RBFOX1: variants seen among roughly 807,000 people sequenced by gnomAD.
RBFOX1 encodes RNA binding fox-1 homolog 1.
A neutral mutation model predicts 57.7 loss-of-function variants in RBFOX1; 8 were observed. The observed-to-expected ratio is 0.14, with a 90% CI of 0.08 to 0.25. RBFOX1 has a LOEUF of 0.25. Ranked by LOEUF, RBFOX1 falls within the 10% of genes least tolerant of loss-of-function variation. The pLI, the probability that RBFOX1 is intolerant of heterozygous loss-of-function variation, is 1.00. For missense variants in RBFOX1, 611 were observed against 548.5 expected (o/e 1.11, Z -1.14); for synonymous variants, 326 against 222.4 (o/e 1.47, Z -4.15).
intron 3 of RBFOX1, among the ~76,000 whole-genome samples, chr16:6,864,169 AT>A (rs1264172628): frequency 1.1e-4 from 16 of 152,090 alleles, no homozygotes; most frequent in Non-Finnish European, 2.1e-4. Context: ...AATTATTTTA[AT>A]AATTCTTGTC....
chr16:6,570,352 CT>C (rs1419646453), intron 2 of RBFOX1, among the ~76,000 whole-genome samples: 2 of 152,126 alleles, frequency 1.3e-5, no homozygotes, highest in Non-Finnish European at 2.9e-5. Flanking sequence ...TTCCAGGCCC[CT>C]CCTGGAACAG....
intron 1 of RBFOX1, among the ~76,000 whole-genome samples, chr16:6,277,465 A>AAAAAAAC (rs1323655524): frequency 3.3e-5 from 5 of 150,906 alleles, no homozygotes; most frequent in African/African-American, 7.3e-5. Context: ...TCCCAAAAAA[A>AAAAAAAC]AAAAAAAAAA....
chr16:5,984,496 T>C (rs2060242554), intron 4 of RBFOX1, among the ~76,000 whole-genome samples: 1 of 152,014 alleles, frequency 6.6e-6, no homozygotes, highest in Admixed American at 6.6e-5. Context: ...CTGAGCATTG[T>C]CTGTGTGGCA....
At chr16:6,503,510 C>G (rs1022464501) in intron 2 of RBFOX1, among the ~76,000 whole-genome samples, 5 of 152,240 alleles carry the variant, frequency 3.3e-5, no homozygotes, top group African/African-American at 1.2e-4. Context: ...TGGGTTTACT[C>G]ACACCACTGA....
intron 1 of RBFOX1, among the ~76,000 whole-genome samples, chr16:5,355,650 C>T (rs980971954): frequency 2.6e-5 from 4 of 152,108 alleles, no homozygotes; most frequent in African/African-American, 7.2e-5. Context: ...GGAGCGTCTC[C>T]TCCAAAATAG....
intron 1 of RBFOX1, among the ~76,000 whole-genome samples, chr16:6,155,626 C>G (rs751514465): frequency 6.6e-6 from 1 of 152,122 alleles, no homozygotes; most frequent in Admixed American, 6.5e-5. Flanking sequence ...TTTAAGGTCT[C>G]AAAGCAAACC....
chr16:7,497,740 A>G (rs1201669857), intron 4 of RBFOX1, among the ~76,000 whole-genome samples: 2 of 152,208 alleles, frequency 1.3e-5, no homozygotes, highest in African/African-American at 4.8e-5. Context: ...AAAAAGAACT[A>G]GTTTCTTTCT....
chr16:6,701,606 G>T (rs183429250), intron 3 of RBFOX1, among the ~76,000 whole-genome samples: 14 of 152,024 alleles, frequency 9.2e-5, no homozygotes, highest in Admixed American at 3.3e-4. Flanking sequence ...GAGAGGAGGA[G>T]GTGCCAGGCT....
Position 5,454,418 on chromosome 16 carries a change from G to C in RBFOX1, c.220-12798G>C, listed in dbSNP as rs148782976. ...TGTTTATCAACTTGGTTGGACCACA[G>C]TGCCTAGATATGTGGTTACATGTTA... On this transcript the variant is annotated intron_variant, in intron 1 of 2. Coordinates refer to the RBFOX1 transcript ENST00000585867. Among the ~76,000 whole-genome samples the C allele has an allele frequency of 2.0e-5, 3 of 152,370 alleles. No individual in the cohort carries two copies. The East Asian group carries it at 5.8e-4, about 29-fold the overall frequency.
intron 2 of RBFOX1, among the ~76,000 whole-genome samples, chr16:5,548,071 G>C (rs2045291201): frequency 6.6e-6 from 1 of 150,774 alleles, no homozygotes; most frequent in Admixed American, 6.6e-5. Context: ...TGAGACAGGA[G>C]AATCCCTTGA....
chr16:6,218,433 C>A (rs568879097), intron 1 of RBFOX1, among the ~76,000 whole-genome samples: 36 of 152,130 alleles, frequency 2.4e-4, no homozygotes, highest in African/African-American at 8.4e-4. Flanking sequence ...CTTAGCCTGC[C>A]GAGTAGCTGG....
Position 7,579,752 on chromosome 16 carries a change from C to T in RBFOX1, c.271-25C>T, listed in dbSNP as rs369623319. 7 of 1,613,834 alleles carry T rather than the reference C, an allele frequency of 4.3e-6. No individual in the cohort carries two copies. In the African/African-American group the frequency reaches 8.0e-5, roughly 18 times the overall value. On this transcript the variant is annotated intron_variant, in intron 5 of 15. Transcript: ENST00000550418. Reference sequence around the variant, plus strand: ...GAGCACTGTGGTCCACTGAGAACCTCTTCGGTTTCTTCTTGTTCTTTTAGC... The same window carrying T: ...GAGCACTGTGGTCCACTGAGAACCTTTTCGGTTTCTTCTTGTTCTTTTAGC...
chr16:7,266,412 A>C (rs1228397604), intron 4 of RBFOX1, among the ~76,000 whole-genome samples: 1 of 152,222 alleles, frequency 6.6e-6, no homozygotes, highest in East Asian at 1.9e-4. Context: ...CTTCGCTGGA[A>C]GCCCAGCAGA....
chr16:7,195,071 C>G (rs1463429164), intron 4 of RBFOX1, among the ~76,000 whole-genome samples: 2 of 151,864 alleles, frequency 1.3e-5, no homozygotes, highest in African/African-American at 4.8e-5. Flanking sequence ...AAAAATTATA[C>G]TCTCTGAATT....
intron 2 of RBFOX1, among the ~76,000 whole-genome samples, chr16:5,578,471 A>G (rs934315400): frequency 6.6e-6 from 1 of 152,094 alleles, no homozygotes; most frequent in African/African-American, 2.4e-5. Flanking sequence ...ACCAGGAAAA[A>G]CCCCATCCAC....
chr16:7,028,719 A>C (rs913393556), intron 3 of RBFOX1, among the ~76,000 whole-genome samples: 2 of 151,588 alleles, frequency 1.3e-5, no homozygotes, highest in South Asian at 2.1e-4. Context: ...GAATTATTGC[A>C]GGACTTGATA....
At chr16:7,434,369 G>A (rs1016104788) in intron 4 of RBFOX1, among the ~76,000 whole-genome samples, 20 of 152,246 alleles carry the variant, frequency 1.3e-4, no homozygotes, top group African/African-American at 4.8e-4. Flanking sequence ...CTACTCTGAA[G>A]GCTGAGGCAG....
At chr16:5,672,401 C>G (rs374973162) in intron 3 of RBFOX1, among the ~76,000 whole-genome samples, 6 of 152,170 alleles carry the variant, frequency 3.9e-5, no homozygotes, top group African/African-American at 9.7e-5. Flanking sequence ...CTTCAGTGCC[C>G]TCCTGCTCCA....
chr16:5,504,083 G>C (rs904259184), intron 2 of RBFOX1, among the ~76,000 whole-genome samples: 13 of 152,194 alleles, frequency 8.5e-5, no homozygotes, highest in African/African-American at 3.1e-4. Context: ...ATCTCCAGAG[G>C]GCGATGGCTG....
Sources: allele counts gnomAD v4.1 joint callset (sites outside exome capture counted in the v4.1 genomes callset), GRCh38; gene constraint gnomAD v4.1.1; transcripts MANE v1.5; gene names NCBI Gene and HGNC (gene_info 2026-07-23, HGNC 2026-07-21).